Variants in PSMB9 observed in about 807,000 individuals in gnomAD.
PSMB9 encodes the protein proteasome 20S subunit beta 9.
Under a neutral mutation model 26.9 loss-of-function variants are expected in PSMB9, and 16 were observed. The ratio of observed to expected loss-of-function variants is 0.59; its 90% CI spans 0.40 to 0.90. The LOEUF (loss-of-function observed/expected upper bound fraction) is 0.90, where lower values mean the gene tolerates loss of function less well. Ranked by LOEUF, PSMB9 falls within the 40% of genes least tolerant of loss-of-function variation. PSMB9 has a pLI of 0.00. For synonymous variants in PSMB9, 91 were observed against 112.0 expected (o/e 0.81, Z 1.18); for missense variants, 253 against 292.2 (o/e 0.87, Z 0.98).
intron 5 of PSMB9, among the ~76,000 whole-genome samples, chr6:32,859,146 G>T (rs1771321667): frequency 6.6e-6 from 1 of 152,148 alleles, no homozygotes; most frequent in Admixed American, 6.5e-5. Context: ...AATAGTCAAG[G>T]ATTTGTGAAC....
At chr6:32,857,880 G>A (rs1364093124) in intron 3 of PSMB9, 125 bp from the exon 4 acceptor site, 12 of 1,103,220 alleles carry the variant, frequency 1.1e-5, no homozygotes, top group Non-Finnish European at 1.4e-5. Context: ...ACATGTGGGA[G>A]GGAGGCTGCA....
chr6:32,857,499 A>G, intron 3 of PSMB9, 105 bp downstream of exon 3: 2 of 1,369,528 alleles, frequency 1.5e-6, no homozygotes, highest in South Asian at 3.3e-5. Flanking sequence ...GGGAAATGGA[A>G]AAGTCTTGTT....
At position 32,858,261 on chromosome 6, in the gene PSMB9, GA is replaced by G; in HGVS notation, c.391-102del. ...ACCTCTGAAAGCATAGTACTTTGGGGATATGAGATACCAGGGCTTCATTGCA... is the reference window on the plus strand; with the variant it reads ...ACCTCTGAAAGCATAGTACTTTGGGGTATGAGATACCAGGGCTTCATTGCA... On this transcript the variant is annotated intron_variant, in intron 4 of 5. Transcript: ENST00000374859. This position sits in a 1 kb window ranked among gnomAD's most constrained non-coding sequence, Gnocchi z 5.2. 6.3e-7 allele frequency: 1 copy of G among 1,596,814 alleles called. No individual in the cohort carries two copies. The highest frequency in any genetic ancestry group is 8.6e-7 in the Non-Finnish European group (1 of 1,168,782).
rs1771205917 is a variant in PSMB9, at chr6:32,857,245, T to C, written c.129-18T>C. ...AACCTGAGTTTTAACTTGGTGACTG[T>C]TGACTCCCTCCTGACAGCGAGGCGG... On this transcript the variant is annotated intron_variant, in intron 2 of 5. Transcript: ENST00000374859. 2 of 1,569,658 alleles carry C rather than the reference T, an allele frequency of 1.3e-6. No homozygotes were observed. The highest frequency in any genetic ancestry group is 1.7e-6 in the Non-Finnish European group (2 of 1,160,150).
At chr6:32,859,367 C>T (rs1771336400) in intron 5 of PSMB9, 38 bp from the exon 6 acceptor site, 2 of 1,561,454 alleles carry the variant, frequency 1.3e-6, no homozygotes, top group Non-Finnish European at 1.7e-6. Flanking sequence ...GCTAAGCCAT[C>T]CTCTCTCTCC....
At position 32,859,468 on chromosome 6, in the gene PSMB9, C is replaced by CA; in HGVS notation, c.597dup (p.Ala200SerfsTer13). On this transcript the variant is annotated frameshift_variant, in exon 6 of 6. Transcript: ENST00000374859. LOFTEE classifies it high-confidence loss of function. Reference sequence around the variant, plus strand: ...GGTGTCATCTACCTGGTCACTATTACAGCTGCCGGTGTGGACCATCGAGTC... The same window carrying CA: ...GGTGTCATCTACCTGGTCACTATTACAAGCTGCCGGTGTGGACCATCGAGTC... 3.1e-6 allele frequency: 5 copies of CA among 1,613,792 alleles called. No individual in the cohort carries two copies. Among genetic ancestry groups the CA allele is most frequent in the Non-Finnish European group, 4.2e-6 (5 of 1,179,926 alleles).
At chr6:32,857,108 G>A (rs1771190897) in intron 2 of PSMB9, 155 bp from the exon 3 acceptor site, 2 of 696,524 alleles carry the variant, frequency 2.9e-6, no homozygotes, top group Non-Finnish European at 4.3e-6. Flanking sequence ...GCTGAGGCAG[G>A]AGAATCACTT....
rs1771379559 is a variant in PSMB9, at chr6:32,859,788, G to A, written c.*256G>A. Among the ~76,000 whole-genome samples the A allele has an allele frequency of 2.0e-5, 1 of 50,770 alleles. No individual in the cohort carries two copies. The highest frequency in any genetic ancestry group is 8.3e-5 in the African/African-American group (1 of 12,066). The allele number at this position is 50,770 out of a possible 152,430, so 33.3% of individuals were successfully genotyped here. Reference sequence around the variant, plus strand: ...TGATCACGTACTGAATGATTTTGAAGTAGTACAAACAATAAAAATTCTCAT... The same window carrying A: ...TGATCACGTACTGAATGATTTTGAAATAGTACAAACAATAAAAATTCTCAT... On this transcript the variant is annotated 3_prime_UTR_variant, in exon 6 of 6. Transcript: ENST00000374859.
rs937347938 is a variant in PSMB9, at chr6:32,857,947, A to C, written c.261-58A>C. On this transcript the variant is annotated intron_variant, in intron 3 of 5. Transcript: ENST00000374859. ...GTCGTTTAGCAGGGATGATGGTAAC[A>C]GTATAGGAGAATGAGACTTAAAATT... 9 of 1,603,670 alleles carry C rather than the reference A, an allele frequency of 5.6e-6. No homozygotes were observed. In the African/African-American group the frequency reaches 1.1e-4, roughly 19 times the overall value.
At chr6:32,855,077 A>G (rs1294951091) in intron 1 of PSMB9, among the ~76,000 whole-genome samples, 1 of 152,208 alleles carries the variant, frequency 6.6e-6, no homozygotes, top group African/African-American at 2.4e-5. Flanking sequence ...ATTCATGATA[A>G]GTCGGTCCGT....
In PSMB9 at chr6:32,859,623, T is replaced by C. The variant is rs1771364998; in HGVS notation, c.*91T>C. The stretch of plus-strand genomic sequence containing the variant: ...ATTGGGAAATGAGTGCTCAGGGAGA[T>C]GGAGCTTAGGGGAGGTGGGTGCTTC... On this transcript the variant is annotated 3_prime_UTR_variant, in exon 6 of 6. Transcript: ENST00000374859. 1 of 1,484,448 alleles carries C rather than the reference T, an allele frequency of 6.7e-7. No individual in the cohort carries two copies. Among genetic ancestry groups the C allele is most frequent in the African/African-American group, 1.4e-5 (1 of 71,942 alleles). The allele number at this position is 1,484,448 out of a possible 1,614,324, so 92.0% of individuals were successfully genotyped here. A position where few individuals can be genotyped will look rare whatever the true frequency, so the allele number is the denominator to read the frequency against.
At position 32,854,928 on chromosome 6, in the gene PSMB9, G is replaced by T. The variant is rs750324880; in HGVS notation, c.60+639G>T. On this transcript the variant is annotated intron_variant, in intron 1 of 5. Transcript: ENST00000374859. This position sits in a 1 kb window ranked among gnomAD's most constrained non-coding sequence, Gnocchi z 4.6. ...ACTGGGGGGACTTTGCTTAGGATGGGCGCCTGGGGCAGATGGCAGCCCCAA... is the reference window on the plus strand; with the variant it reads ...ACTGGGGGGACTTTGCTTAGGATGGTCGCCTGGGGCAGATGGCAGCCCCAA... Among the ~76,000 whole-genome samples the T allele has an allele frequency of 6.6e-6, 1 of 152,146 alleles. No individual in the cohort carries two copies. The highest frequency in any genetic ancestry group is 1.5e-5 in the Non-Finnish European group (1 of 68,038).
At chr6:32,857,755 C>A in intron 3 of PSMB9, 1 of 563,028 alleles carries the variant, frequency 1.8e-6, no homozygotes, top group Non-Finnish European at 3.1e-6. Flanking sequence ...CTGCTTTTCC[C>A]CATAAGAGCA....
chr6:32,859,089 A>T (rs1329709881), intron 5 of PSMB9, among the ~76,000 whole-genome samples: 1 of 150,734 alleles, frequency 6.6e-6, no homozygotes, highest in Non-Finnish European at 1.5e-5. Flanking sequence ...TGGTGTGCTG[A>T]GGTGTGCTGA....
At position 32,856,131 on chromosome 6, in the gene PSMB9, T is replaced by C. The variant is rs1227336291; in HGVS notation, c.61-7T>C. ...GCCCTGACATTCCATATTCTGTGTC[T>C]CTGCAGACCACCATCATGGCAGTGG... On this transcript the variant is annotated splice_polypyrimidine_tract_variant and splice_region_variant and intron_variant, in intron 1 of 5. Coordinates refer to ENST00000374859, the MANE Select transcript of PSMB9 (RefSeq NM_002800.5). The C allele has an allele frequency of 6.2e-7, 1 of 1,612,296 alleles. No individual in the cohort carries two copies. The highest frequency in any genetic ancestry group is 2.2e-5 in the East Asian group (1 of 44,890).
chr6:32,857,370 C>A lies in PSMB9; in HGVS notation c.236C>A (p.Ala79Asp). Residue 79 changes from alanine to aspartate, a missense_variant, in exon 3 of 6, where the codon GCC becomes GAC. Coordinates refer to ENST00000374859, the MANE Select transcript of PSMB9 (RefSeq NM_002800.5). ...AADAQAVADM[A>D]AYQLELHGIE... is the part of the protein sequence containing the mutation. ...GATGCCCAAGCCGTGGCCGACATGG[C>A]CGCCTACCAGCTGGAGCTCCATGGG... 1 of 1,612,528 alleles carries A rather than the reference C, an allele frequency of 6.2e-7. No homozygotes were observed. Among genetic ancestry groups the A allele is most frequent in the Non-Finnish European group, 8.5e-7 (1 of 1,180,004 alleles).
rs143943834 is a variant in PSMB9 at position 32,859,352 on chromosome 6, T to C, written c.533-53T>C. On this transcript the variant is annotated intron_variant, in intron 5 of 5. Transcript: ENST00000374859. ...GGATGGAGGGGGAGTAAAAAGATTTTTGAAGCTAAGCCATCCTCTCTCTCC... is the reference window on the plus strand; with the variant it reads ...GGATGGAGGGGGAGTAAAAAGATTTCTGAAGCTAAGCCATCCTCTCTCTCC... 1.1e-4 allele frequency: 163 copies of C among 1,539,586 alleles called. No individual in the cohort carries two copies. The African/African-American group carries it at 1.7e-3, about 16-fold the overall frequency.
rs929665943 is a variant in PSMB9 at position 32,858,104 on chromosome 6, AG to A, written c.361del (p.Ala121LeufsTer19). 6.2e-7 allele frequency: 1 copy of A among 1,613,120 alleles called. No individual in the cohort carries two copies. The highest frequency in any genetic ancestry group is 8.5e-7 in the Non-Finnish European group (1 of 1,180,040). On this transcript the variant is annotated frameshift_variant, in exon 4 of 6. Transcript: ENST00000374859. LOFTEE classifies it high-confidence loss of function. The surrounding 1 kb of genome is among the most constrained non-coding windows in gnomAD (Gnocchi z 5.2). The part of the protein sequence containing the change: ...REDLSAHLMV[A>X]GWDQREGGQV... ...AGGACTTGTCTGCACATCTCATGGT[AG>A]CTGGCTGGGACCAACGTGAAGGAGG...
chr6:32,857,925 G>C, intron 3 of PSMB9, 80 bp from the exon 4 acceptor site: 1 of 1,563,812 alleles, frequency 6.4e-7, no homozygotes, highest in Non-Finnish European at 8.7e-7. Flanking sequence ...TTCAGGGGTC[G>C]TTTAGCAGGG....
Sources: allele counts gnomAD v4.1 joint callset (sites outside exome capture counted in the v4.1 genomes callset), GRCh38; gene constraint gnomAD v4.1.1; non-coding constraint Gnocchi (gnomAD v3.1); transcripts MANE v1.5; gene names NCBI Gene and HGNC (gene_info 2026-07-23, HGNC 2026-07-21).